USP49: variants seen among roughly 807,000 people sequenced by gnomAD.
USP49 encodes ubiquitin carboxyl-terminal hydrolase 49.
A neutral mutation model predicts 58.6 loss-of-function variants in USP49; 24 were observed. That is an observed-to-expected ratio of 0.41 (90% CI 0.30 to 0.58). The LOEUF (loss-of-function observed/expected upper bound fraction) is 0.58. Among genes scored for constraint, USP49 ranks in the 20% least tolerant of loss-of-function variants. The probability of loss-of-function intolerance (pLI) is 0.30; values close to 1 mark genes in which losing one functional copy is unlikely to be tolerated. For synonymous variants in USP49, 408 were observed against 365.1 expected (o/e 1.12, Z -1.34); for missense variants, 703 against 866.1 (o/e 0.81, Z 2.36).
intron 3 of USP49, among the ~76,000 whole-genome samples, chr6:41,836,634 GA>G (rs1561913475): frequency 6.6e-6 from 1 of 152,050 alleles, no homozygotes; most frequent in Non-Finnish European, 1.5e-5. Flanking sequence ...GGTAGCATAA[GA>G]AAAAGTAAAT....
chr6:41,865,542 T>C (rs1436419963), intron 3 of USP49, among the ~76,000 whole-genome samples: 1 of 152,282 alleles, frequency 6.6e-6, no homozygotes, highest in East Asian at 1.9e-4. Context: ...GGTCATAGTA[T>C]ATTGCCCAGG....
chr6:41,866,719 T>G (rs565089347), intron 3 of USP49, among the ~76,000 whole-genome samples: 9 of 152,216 alleles, frequency 5.9e-5, no homozygotes, highest in Non-Finnish European at 1.3e-4. Context: ...AGCTGTATTC[T>G]CCTATCTGCT....
chr6:41,815,046 CAAG>C (rs763771033), intron 3 of USP49, among the ~76,000 whole-genome samples: 2 of 151,910 alleles, frequency 1.3e-5, no homozygotes, highest in Non-Finnish European at 2.9e-5. Context: ...CCAGCATTTC[CAAG>C]AAGTATGGGA....
chr6:41,865,578 C>T (rs1038796593), intron 3 of USP49, among the ~76,000 whole-genome samples: 6 of 151,988 alleles, frequency 3.9e-5, no homozygotes, highest in African/African-American at 9.7e-5. Context: ...TGGACTCAAG[C>T]AATCCTCTGG....
intron 5 of USP49, 25 bp from the exon 6 acceptor site, chr6:41,799,963 A>G: frequency 6.2e-7 from 1 of 1,607,688 alleles, no homozygotes; most frequent in Non-Finnish European, 8.5e-7. Flanking sequence ...AAGGTATAAG[A>G]CATAGGTTGT....
Position 41,844,459 on chromosome 6 carries a change from G to A in USP49, c.-29+27105C>T, listed in dbSNP as rs908179474. Among the ~76,000 whole-genome samples the A allele has an allele frequency of 3.3e-5, 5 of 151,646 alleles. No homozygotes were observed. In the South Asian group the frequency reaches 6.2e-4, roughly 19 times the overall value. On this transcript the variant is annotated intron_variant, in intron 3 of 7. Transcript: ENST00000682992. Reference sequence around the variant, plus strand: ...CTCCCCAGTAGCTGGGATTACAGGCGTCCGCCACCATGCTCGGCTAGTTTT... The same window carrying A: ...CTCCCCAGTAGCTGGGATTACAGGCATCCGCCACCATGCTCGGCTAGTTTT...
At chr6:41,879,197 C>T (rs898095610) in intron 2 of USP49, among the ~76,000 whole-genome samples, 1 of 152,144 alleles carries the variant, frequency 6.6e-6, no homozygotes, top group Non-Finnish European at 1.5e-5. Flanking sequence ...CAGTTTGAGA[C>T]CAGCCTGGCT....
rs180717616 is a variant in USP49 at position 41,850,387 on chromosome 6, G to A, written c.-29+21177C>T. ...GAACCTGGGAGGCAGAGGTTGCAGT[G>A]AGCTGAGATCGTGCCACTACACTCC... On this transcript the variant is annotated intron_variant, in intron 3 of 7. Coordinates refer to ENST00000682992, the MANE Select transcript of USP49 (RefSeq NM_001286554.2). Among the ~76,000 whole-genome samples, 835 of 151,210 alleles carry A rather than the reference G, an allele frequency of 5.5e-3. 8 individuals are homozygous for A. The highest frequency in any genetic ancestry group is 0.017 in the African/African-American group (720 of 41,230).
intron 3 of USP49, among the ~76,000 whole-genome samples, chr6:41,852,927 C>T (rs1774055647): frequency 6.6e-6 from 1 of 152,212 alleles, no homozygotes; most frequent in Non-Finnish European, 1.5e-5. Flanking sequence ...CAGTGGCTCA[C>T]ACCTGTAATC....
chr6:41,806,257 G>GC lies in USP49; in HGVS notation c.726dup (p.Arg243AlafsTer43). ...CCTGGGGCCATGGCCGGCTGGCGAC[G>GC]CAGCTTGAGTGTGGCGGCGGGCACT... On this transcript the variant is annotated frameshift_variant, in exon 4 of 8. Coordinates refer to ENST00000682992, the MANE Select transcript of USP49 (RefSeq NM_001286554.2). LOFTEE classifies it high-confidence loss of function. The surrounding 1 kb of genome is among the most constrained non-coding windows in gnomAD (Gnocchi z 5.9). 6.2e-7 allele frequency: 1 copy of GC among 1,607,702 alleles called. No individual in the cohort carries two copies. Among genetic ancestry groups the GC allele is most frequent in the Non-Finnish European group, 8.5e-7 (1 of 1,179,848 alleles).
intron 3 of USP49, among the ~76,000 whole-genome samples, chr6:41,827,372 T>A (rs1773557467): frequency 6.6e-6 from 1 of 152,080 alleles, no homozygotes; most frequent in Non-Finnish European, 1.5e-5. Flanking sequence ...AAGTAGAATA[T>A]AGTCAGGCCG....
At chr6:41,807,153 G>A in intron 3 of USP49, 142 bp from the exon 4 acceptor site, 1 of 972,896 alleles carries the variant, frequency 1.0e-6, no homozygotes, top group Non-Finnish European at 1.4e-6. Flanking sequence ...CTCCAAATTG[G>A]TTCCTTTGAA....
chr6:41,863,691 G>A (rs1023890513), intron 3 of USP49, among the ~76,000 whole-genome samples: 3 of 152,096 alleles, frequency 2.0e-5, no homozygotes, highest in African/African-American at 4.8e-5. Context: ...TGCCTAGCAC[G>A]TGATAGTGCC....
intron 3 of USP49, among the ~76,000 whole-genome samples, chr6:41,850,705 A>G (rs1774012178): frequency 6.6e-6 from 1 of 151,136 alleles, no homozygotes; most frequent in Non-Finnish European, 1.5e-5. Context: ...CCTGGGTTCC[A>G]GCAATTCTCA....
intron 3 of USP49, among the ~76,000 whole-genome samples, chr6:41,862,987 G>A (rs1774249744): frequency 6.6e-6 from 1 of 151,898 alleles, no homozygotes; most frequent in Non-Finnish European, 1.5e-5. Flanking sequence ...AGGTTGGCTG[G>A]GCTGGTCTCG....
intron 3 of USP49, among the ~76,000 whole-genome samples, chr6:41,854,883 G>A (rs966729223): frequency 1.3e-5 from 2 of 151,892 alleles, no homozygotes; most frequent in Admixed American, 6.6e-5. Context: ...AGTAATTCTC[G>A]TCCCTCAGCC....
chr6:41,806,986 C>A lies in USP49; in HGVS notation c.-3G>T. On this transcript the variant is annotated 5_prime_UTR_variant, in exon 4 of 8. Transcript: ENST00000682992. The surrounding 1 kb of genome is among the most constrained non-coding windows in gnomAD (Gnocchi z 5.9). ...CCTACATGTTTGCATCTATCCATGTCTTATAGAAGTCGCCACTTTCTCAAC... is the reference window on the plus strand; with the variant it reads ...CCTACATGTTTGCATCTATCCATGTATTATAGAAGTCGCCACTTTCTCAAC... The A allele has an allele frequency of 6.6e-7, 1 of 1,505,326 alleles. No homozygotes were observed. Among genetic ancestry groups the A allele is most frequent in the Non-Finnish European group, 8.9e-7 (1 of 1,117,648 alleles). The allele number at this position is 1,505,326 out of a possible 1,614,324, so 93.2% of individuals were successfully genotyped here.
chr6:41,869,348 A>G (rs1774375895), intron 3 of USP49, among the ~76,000 whole-genome samples: 1 of 152,098 alleles, frequency 6.6e-6, no homozygotes, highest in Non-Finnish European at 1.5e-5. Flanking sequence ...GCTGGGTAGC[A>G]CGGCATGACT....
intron 6 of USP49, 30 bp from the exon 7 acceptor site, chr6:41,798,959 T>C (rs778138617): frequency 1.2e-6 from 2 of 1,604,134 alleles, no homozygotes; most frequent in Non-Finnish European, 1.7e-6. Flanking sequence ...TTGTTACTAG[T>C]AAAAACTGGC....
Sources: allele counts gnomAD v4.1 joint callset (sites outside exome capture counted in the v4.1 genomes callset), GRCh38; gene constraint gnomAD v4.1.1; non-coding constraint Gnocchi (gnomAD v3.1); transcripts MANE v1.5; gene names NCBI Gene and HGNC (gene_info 2026-07-23, HGNC 2026-07-21).